Variants in EEIG2 observed in about 807,000 individuals in gnomAD.
The protein encoded by EEIG2 is family with sequence similarity 102 member B.
At chr1:108,633,275 C>T in the EEIG2 span, among the ~76,000 whole-genome samples, 3 of 151,912 alleles carry the variant, frequency 2.0e-5, no homozygotes, top group African/African-American at 7.3e-5. Flanking sequence ...AATTAGATGA[C>T]TTATGTAACA....
At chr1:108,631,540 G>A in the EEIG2 span, among the ~76,000 whole-genome samples, 1 of 152,106 alleles carries the variant, frequency 6.6e-6, no homozygotes, top group Non-Finnish European at 1.5e-5. Flanking sequence ...GAGAGACTTT[G>A]GGAGAATAAA....
the EEIG2 span, among the ~76,000 whole-genome samples, chr1:108,569,625 A>G: frequency 3.3e-5 from 5 of 152,146 alleles, no homozygotes; most frequent in Non-Finnish European, 7.4e-5. Flanking sequence ...ACCTAGCCTC[A>G]CCTAAATGAT....
At chr1:108,579,772 T>TGTGTGTGTGTGTGAGAGAGA in the EEIG2 span, among the ~76,000 whole-genome samples, 27 of 58,870 alleles carry the variant, frequency 4.6e-4, 1 homozygote, top group African/African-American at 1.6e-3. Context: ...TGTGTGTGTG[T>TGTGTGTGTGTGTGAGAGAGA]GAGAGAGAGA....
chr1:108,628,525 C>T, the EEIG2 span: 21 of 1,614,012 alleles, frequency 1.3e-5, no homozygotes, highest in East Asian at 1.6e-4. Context: ...AGCAGAAAAT[C>T]GCTGAGCCAA....
the EEIG2 span, chr1:108,629,594 G>C: frequency 6.2e-7 from 1 of 1,609,346 alleles, no homozygotes; most frequent in African/African-American, 1.3e-5. Flanking sequence ...GCAGAAGAAG[G>C]ACTAAGGCTA....
chr1:108,632,697 G>A, the EEIG2 span, among the ~76,000 whole-genome samples: 1 of 152,232 alleles, frequency 6.6e-6, no homozygotes, highest in East Asian at 1.9e-4. Context: ...GAATAACCAT[G>A]CCTATCTCAT....
At chr1:108,594,050 C>T in the EEIG2 span, among the ~76,000 whole-genome samples, 3 of 152,052 alleles carry the variant, frequency 2.0e-5, no homozygotes, top group South Asian at 4.1e-4. Context: ...TCAAGCAATC[C>T]GCTTGCCTTG....
the EEIG2 span, chr1:108,624,894 T>A: frequency 7.8e-6 from 5 of 644,470 alleles, no homozygotes; most frequent in East Asian, 1.4e-4. Flanking sequence ...GTTGATCCAG[T>A]GCTTTATTTT....
chr1:108,595,325 A>G, the EEIG2 span, among the ~76,000 whole-genome samples: 1 of 136,992 alleles, frequency 7.3e-6, no homozygotes, highest in African/African-American at 2.7e-5. Context: ...GAGGGAAAGA[A>G]TGAAGGAAGG....
the EEIG2 span, among the ~76,000 whole-genome samples, chr1:108,601,637 A>G: frequency 6.6e-6 from 1 of 152,206 alleles, no homozygotes; most frequent in Non-Finnish European, 1.5e-5. Flanking sequence ...TACTTTCCTT[A>G]GTATAGAAAG....
the EEIG2 span, chr1:108,638,127 G>A: frequency 6.6e-6 from 1 of 152,100 alleles, no homozygotes; most frequent in Non-Finnish European, 1.5e-5. Flanking sequence ...ACCTAGGCTG[G>A]AGTGTAGTGG....
At chr1:108,573,450 G>A in the EEIG2 span, among the ~76,000 whole-genome samples, 10 of 152,176 alleles carry the variant, frequency 6.6e-5, no homozygotes, top group African/African-American at 2.4e-4. Context: ...ACCTCATATA[G>A]CCTTGGCTGG....
At chr1:108,619,654 A>C in the EEIG2 span, among the ~76,000 whole-genome samples, 2 of 152,210 alleles carry the variant, frequency 1.3e-5, no homozygotes, top group African/African-American at 4.8e-5. Context: ...TGGGAGGCCA[A>C]GGCAGGTGGG....
At chr1:108,598,632 G>C in the EEIG2 span, among the ~76,000 whole-genome samples, 2 of 151,986 alleles carry the variant, frequency 1.3e-5, no homozygotes, top group Admixed American at 1.3e-4. Context: ...ATCACTTAAG[G>C]GTTCCTAAGG....
chr1:108,575,425 A>G, the EEIG2 span, among the ~76,000 whole-genome samples: 70 of 152,320 alleles, frequency 4.6e-4, 1 homozygote, highest in East Asian at 0.013. Context: ...CAGTTACCAT[A>G]TGACTCAGCA....
At chr1:108,599,155 A>C in the EEIG2 span, among the ~76,000 whole-genome samples, 7 of 152,002 alleles carry the variant, frequency 4.6e-5, no homozygotes, top group Non-Finnish European at 7.4e-5. Flanking sequence ...ACAGAGTGAG[A>C]GCCTGTCTCA....
chr1:108,606,214 CTT>C, the EEIG2 span: 249 of 1,546,676 alleles, frequency 1.6e-4, no homozygotes, highest in African/African-American at 3.0e-3. Flanking sequence ...TATTTTCTGT[CTT>C]TGGCAGGAAT....
At chr1:108,638,738 T>G in the EEIG2 span, 1 of 152,156 alleles carries the variant, frequency 6.6e-6, no homozygotes, top group Admixed American at 6.5e-5. Flanking sequence ...TGTTAAAGAA[T>G]TTGAAGTCTA....
chr1:108,607,617 C>A, the EEIG2 span, among the ~76,000 whole-genome samples: 4 of 151,914 alleles, frequency 2.6e-5, 1 homozygote, highest in Non-Finnish European at 5.9e-5. Flanking sequence ...TGAGCCCAGG[C>A]ATTCATGACC....
Sources: allele counts gnomAD v4.1 joint callset (sites outside exome capture counted in the v4.1 genomes callset), GRCh38; gene constraint gnomAD v4.1.1; transcripts MANE v1.5; gene names NCBI Gene and HGNC (gene_info 2026-07-23, HGNC 2026-07-21).